The following TMEM132D variants were observed in gnomAD, a reference collection of about 807,000 sequenced individuals.
The protein encoded by TMEM132D is mature OL transmembrane protein.
Under a neutral mutation model 62.3 loss-of-function variants are expected in TMEM132D, and 21 were observed. The observed-to-expected ratio is 0.34, with a 90% CI of 0.24 to 0.49. The LOEUF is 0.49. Ranked by LOEUF, TMEM132D falls within the 20% of genes least tolerant of loss-of-function variation. The pLI is 0.99. For synonymous variants in TMEM132D, 621 were observed against 575.6 expected (o/e 1.08, Z -1.13); for missense variants, 1,346 against 1,402.8 (o/e 0.96, Z 0.65).
intron 2 of TMEM132D, among the ~76,000 whole-genome samples, chr12:129,578,043 C>A (rs573380315): frequency 6.6e-6 from 1 of 151,424 alleles, no homozygotes; most frequent in Non-Finnish European, 1.5e-5. Context: ...GGTCCATTTT[C>A]TCTCTCTCTC....
chr12:129,278,735 G>A (rs970847360), intron 4 of TMEM132D, among the ~76,000 whole-genome samples: 5 of 152,186 alleles, frequency 3.3e-5, no homozygotes, highest in African/African-American at 1.2e-4. Flanking sequence ...CAAGGAAACC[G>A]CTAAACGGGT....
chr12:129,897,111 G>C (rs1875166636), intron 1 of TMEM132D, among the ~76,000 whole-genome samples: 1 of 152,138 alleles, frequency 6.6e-6, no homozygotes, highest in Non-Finnish European at 1.5e-5. Flanking sequence ...TCCTACAGCA[G>C]ATTTTTCTTT....
intron 2 of TMEM132D, among the ~76,000 whole-genome samples, chr12:129,655,584 T>C (rs1880051432): frequency 6.6e-6 from 1 of 151,840 alleles, no homozygotes; most frequent in South Asian, 2.1e-4. Context: ...GTGGGGGCGT[T>C]GCAGGGGAGT....
At chr12:129,523,769 G>A (rs1875926798) in intron 3 of TMEM132D, among the ~76,000 whole-genome samples, 1 of 152,188 alleles carries the variant, frequency 6.6e-6, no homozygotes, top group Non-Finnish European at 1.5e-5. Flanking sequence ...GAAATGGTGA[G>A]TGAGTCAGCC....
At chr12:129,183,741 T>C (rs1270183013) in intron 5 of TMEM132D, among the ~76,000 whole-genome samples, 1 of 152,172 alleles carries the variant, frequency 6.6e-6, no homozygotes, top group African/African-American at 2.4e-5. Flanking sequence ...AGCTGGGTGG[T>C]GGCTGTCCCC....
At chr12:129,741,250 T>C (rs1483797162) in intron 1 of TMEM132D, among the ~76,000 whole-genome samples, 4 of 152,180 alleles carry the variant, frequency 2.6e-5, no homozygotes, top group Non-Finnish European at 5.9e-5. Flanking sequence ...CAGCCTCAAT[T>C]TTCCAGTGGG....
At chr12:129,694,340 A>C (rs540919244) in intron 2 of TMEM132D, among the ~76,000 whole-genome samples, 1 of 152,326 alleles carries the variant, frequency 6.6e-6, no homozygotes, top group East Asian at 1.9e-4. Context: ...GACATTCCTC[A>C]AAACAGCTGA....
At chr12:129,138,305 A>C (rs1292374523) in intron 5 of TMEM132D, among the ~76,000 whole-genome samples, 4 of 152,222 alleles carry the variant, frequency 2.6e-5, no homozygotes, top group African/African-American at 4.8e-5. Flanking sequence ...AACCTTGAAG[A>C]CCTAACACAA....
At chr12:129,854,516 A>T (rs918924609) in intron 1 of TMEM132D, 15 of 152,198 alleles carry the variant, frequency 9.9e-5, no homozygotes, top group African/African-American at 3.6e-4. Context: ...AAATGGATTG[A>T]GTTTTCTAAA....
chr12:129,225,848 T>C (rs1313313872), intron 4 of TMEM132D, among the ~76,000 whole-genome samples: 1 of 152,178 alleles, frequency 6.6e-6, no homozygotes, highest in East Asian at 1.9e-4. Flanking sequence ...AGGAACCTGC[T>C]GTTTACCCAG....
intron 1 of TMEM132D, among the ~76,000 whole-genome samples, chr12:129,824,855 T>C (rs974848261): frequency 1.3e-5 from 2 of 152,176 alleles, no homozygotes; most frequent in African/African-American, 4.8e-5. Context: ...ACCCTCCCAC[T>C]ATCTGGCAAG....
intron 2 of TMEM132D, among the ~76,000 whole-genome samples, chr12:129,696,278 A>T (rs1192623142): frequency 1.3e-5 from 2 of 152,168 alleles, no homozygotes; most frequent in Non-Finnish European, 2.9e-5. Context: ...CTCCTTAGTA[A>T]TGTCTCATTC....
At chr12:129,524,211 C>A (rs1875941985) in intron 3 of TMEM132D, among the ~76,000 whole-genome samples, 1 of 151,106 alleles carries the variant, frequency 6.6e-6, no homozygotes, top group Non-Finnish European at 1.5e-5. Flanking sequence ...TGCACATGTA[C>A]CCTAAAACTT....
chr12:129,666,200 C>G (rs1397387614), intron 2 of TMEM132D, among the ~76,000 whole-genome samples: 2 of 152,142 alleles, frequency 1.3e-5, no homozygotes, highest in Admixed American at 1.3e-4. Flanking sequence ...TGCATGCTTT[C>G]TAGGCCCTGT....
At chr12:129,548,912 T>C (rs780773783) in intron 2 of TMEM132D, among the ~76,000 whole-genome samples, 14 of 152,252 alleles carry the variant, frequency 9.2e-5, no homozygotes, top group Non-Finnish European at 1.9e-4. Flanking sequence ...GGATATTTCC[T>C]TAGCTCACCT....
chr12:129,707,858 G>C (rs1881543006), intron 1 of TMEM132D, among the ~76,000 whole-genome samples: 2 of 152,118 alleles, frequency 1.3e-5, no homozygotes, highest in Admixed American at 6.5e-5. Context: ...TGGAGTGAGG[G>C]GGACTGATTA....
chr12:129,350,466 CAA>C (rs535530823), intron 3 of TMEM132D, among the ~76,000 whole-genome samples: 54 of 152,328 alleles, frequency 3.5e-4, no homozygotes, highest in Non-Finnish European at 6.3e-4. Context: ...CAACGGAACA[CAA>C]GAGACAGATC....
intron 2 of TMEM132D, among the ~76,000 whole-genome samples, chr12:129,607,398 C>T (rs1164293012): frequency 6.6e-6 from 1 of 152,166 alleles, no homozygotes; most frequent in Non-Finnish European, 1.5e-5. Flanking sequence ...ATGCAGAATT[C>T]CTACGAAGGG....
intron 1 of TMEM132D, among the ~76,000 whole-genome samples, chr12:129,846,621 T>C (rs1873370421): frequency 6.6e-6 from 1 of 152,226 alleles, no homozygotes; most frequent in South Asian, 2.1e-4. Context: ...TTCTTGAATC[T>C]GTGGCTTGAT....
Sources: allele counts gnomAD v4.1 joint callset (sites outside exome capture counted in the v4.1 genomes callset), GRCh38; gene constraint gnomAD v4.1.1; transcripts MANE v1.5; gene names NCBI Gene and HGNC (gene_info 2026-07-23, HGNC 2026-07-21).